The following MLH3 variants were observed in gnomAD, a reference collection of about 807,000 sequenced individuals.
MLH3 encodes DNA mismatch repair protein Mlh3.
In MLH3, 82 loss-of-function variants were observed where a neutral mutation model predicts 122.2. The observed-to-expected ratio is 0.67, with a 90% CI of 0.56 to 0.81. The LOEUF (loss-of-function observed/expected upper bound fraction) is 0.81. Ranked by LOEUF, MLH3 falls within the 30% of genes least tolerant of loss-of-function variation. MLH3 has a pLI of 0.00. For synonymous variants in MLH3, 524 were observed against 599.5 expected, an observed-to-expected ratio of 0.87 and a Z score of 1.84; for missense variants, 1,539 against 1,714.5, an observed-to-expected ratio of 0.90 and a Z score of 1.81.
chr14:75,016,384 G>T lies in MLH3; in HGVS notation c.*698C>A. ...AGTATTTTCACCATTTTACTGGTTT[G>T]GGATATTGAACATCAGTCTCTGAGT... On this transcript the variant is annotated 3_prime_UTR_variant, in exon 13 of 13. Transcript: ENST00000355774. 1 of 194,182 alleles carries T rather than the reference G, an allele frequency of 5.1e-6. No individual in the cohort carries two copies. Among genetic ancestry groups the T allele is most frequent in the Non-Finnish European group, 1.1e-5 (1 of 93,286 alleles). The allele number at this position is 194,182 out of a possible 1,614,324, so 12.0% of individuals were successfully genotyped here.
Position 75,048,230 on chromosome 14 carries a change from T to G in MLH3, c.1426A>C (p.Ile476Leu). The G allele has an allele frequency of 6.2e-7, 1 of 1,613,842 alleles. No homozygotes were observed. The highest frequency in any genetic ancestry group is 8.5e-7 in the Non-Finnish European group (1 of 1,179,924). Residue 476 changes from isoleucine to leucine, a missense_variant, in exon 2 of 13, where the codon ATT (isoleucine) becomes CTT (leucine). Physicochemically the swap from Ile to Leu is conservative, Grantham distance 5. Transcript: ENST00000355774. Reference sequence around the variant, plus strand: ...TTTTCTCCAGCTTCTGATGCTACAATTGTCTCTTGTTCTAACATCTTTGAT... The same window carrying G: ...TTTTCTCCAGCTTCTGATGCTACAAGTGTCTCTTGTTCTAACATCTTTGAT... ...SESKMLEQET[I>L]VASEAGENEK...
Position 75,030,547 on chromosome 14 carries a change from A to C in MLH3, c.3983T>G (p.Val1328Gly). The change falls in exon 9 of 13, where the codon GTG becomes GGG. Residue 1328 changes from valine to glycine, a missense_variant. Transcript: ENST00000355774. ...ACATCTGCAGCTGTGTCTTACCTCCACAATACTCTTGGTCACAGTAGATCT... is the reference window on the plus strand; with the variant it reads ...ACATCTGCAGCTGTGTCTTACCTCCCCAATACTCTTGGTCACAGTAGATCT... ...RGRSTVTKSI[V>G]EEFIREQLEL... The C allele has an allele frequency of 1.2e-6, 2 of 1,614,116 alleles. No individual in the cohort carries two copies. The highest frequency in any genetic ancestry group is 1.7e-6 in the Non-Finnish European group (2 of 1,179,984).
At chr14:75,036,358 A>T (rs175073) in intron 6 of MLH3, among the ~76,000 whole-genome samples, 146,862 of 150,296 alleles carry the variant, frequency 0.98, 71,794 homozygotes, top group Non-Finnish European at 1. Flanking sequence ...TTTTTATTTT[A>T]TTTTTTTGAC....
At chr14:75,028,804 G>T (rs989648330) in intron 9 of MLH3, among the ~76,000 whole-genome samples, 1 of 151,774 alleles carries the variant, frequency 6.6e-6, no homozygotes, top group African/African-American at 2.4e-5. Flanking sequence ...CACATATTTT[G>T]TGTGTTGTAT....
intron 6 of MLH3, among the ~76,000 whole-genome samples, chr14:75,037,332 C>T (rs1048044270): frequency 1.3e-5 from 2 of 152,172 alleles, no homozygotes; most frequent in Admixed American, 1.3e-4. Context: ...GTTCTTAGAG[C>T]ATCTTGTATC....
chr14:75,051,126 TC>T (rs1266666544), intron 1 of MLH3: 1 of 152,218 alleles, frequency 6.6e-6, no homozygotes, highest in African/African-American at 2.4e-5. Context: ...CGGGCCTGGA[TC>T]CAGGGCACGG....
intron 12 of MLH3, among the ~76,000 whole-genome samples, chr14:75,018,628 T>C (rs981400938): frequency 6.6e-6 from 1 of 152,232 alleles, no homozygotes; most frequent in Non-Finnish European, 1.5e-5. Flanking sequence ...GTAGGTGACC[T>C]GACAGTTCAG....
chr14:75,019,125 T>C (rs1890097152), intron 11 of MLH3, 145 bp from the exon 12 acceptor site: 1 of 775,364 alleles, frequency 1.3e-6, no homozygotes, highest in Non-Finnish European at 2.1e-6. Flanking sequence ...AAATTGGTGC[T>C]TATAGGCCGG....
intron 6 of MLH3, 119 bp from the exon 7 acceptor site, chr14:75,033,609 T>G (rs1339003194): frequency 1.3e-6 from 1 of 750,044 alleles, no homozygotes; most frequent in African/African-American, 1.7e-5. Context: ...CAAAACATTC[T>G]GAGGAGTAAC....
chr14:75,037,276 A>G (rs1315628564), intron 6 of MLH3, among the ~76,000 whole-genome samples: 1 of 152,182 alleles, frequency 6.6e-6, no homozygotes, highest in Non-Finnish European at 1.5e-5. Context: ...TTTTACCAAG[A>G]AGCACTTCCC....
chr14:75,031,290 C>G (rs942257342), intron 8 of MLH3, among the ~76,000 whole-genome samples: 5 of 152,174 alleles, frequency 3.3e-5, no homozygotes, highest in Non-Finnish European at 5.9e-5. Flanking sequence ...TCGCCCCTTC[C>G]TTACATCCCA....
chr14:75,036,599 C>T (rs28757021), intron 6 of MLH3: 7,385 of 454,086 alleles, frequency 0.016, 134 homozygotes, highest in African/African-American at 0.047. Context: ...CCACCTCGGC[C>T]TCCCAAAGTG....
At chr14:75,017,536 G>A (rs576413021) in intron 12 of MLH3, among the ~76,000 whole-genome samples, 50 of 150,892 alleles carry the variant, frequency 3.3e-4, no homozygotes, top group South Asian at 1.1e-3. Context: ...GTGAGACTCC[G>A]TCTCAAAAAA....
intron 11 of MLH3, among the ~76,000 whole-genome samples, chr14:75,021,930 C>T (rs1890303756): frequency 6.6e-6 from 1 of 152,134 alleles, no homozygotes; most frequent in Admixed American, 6.5e-5. Context: ...GAATCAACCT[C>T]AATGCTCATC....
intron 6 of MLH3, among the ~76,000 whole-genome samples, chr14:75,037,701 C>T (rs1000561664): frequency 2.0e-5 from 3 of 151,646 alleles, no homozygotes; most frequent in Non-Finnish European, 4.4e-5. Context: ...ACCTGTAATC[C>T]CAGCTGTTAG....
intron 9 of MLH3, among the ~76,000 whole-genome samples, chr14:75,026,558 C>T (rs1236186717): frequency 6.6e-6 from 1 of 152,036 alleles, no homozygotes; most frequent in Non-Finnish European, 1.5e-5. Context: ...AGATATCTGA[C>T]AAAATTTCCA....
intron 6 of MLH3, among the ~76,000 whole-genome samples, chr14:75,035,196 AAAC>A (rs1220339815): frequency 2.0e-5 from 3 of 152,020 alleles, no homozygotes; most frequent in Non-Finnish European, 4.4e-5. Context: ...CTGATCTCAA[AAAC>A]AACAAAGAAT....
At position 75,046,705 on chromosome 14, in the gene MLH3, G is replaced by C; in HGVS notation, c.2951C>G (p.Ser984Ter). Residue 984 changes from serine to a stop codon, truncating the protein, a stop_gained, in exon 2 of 13, where the codon TCA (serine) becomes TGA (stop). Transcript: ENST00000355774. LOFTEE classifies it high-confidence loss of function. ...YNNSKVTGKD[S>*]DVLIRASEQQ... ...TTCTGAGGCTCTGATAAGAACATCT[G>C]AATCTTTACCGGTAACTTTAGAATT... 1 of 1,614,162 alleles carries C rather than the reference G, an allele frequency of 6.2e-7. No individual in the cohort carries two copies. Among genetic ancestry groups the C allele is most frequent in the South Asian group, 1.1e-5 (1 of 91,076 alleles).
intron 2 of MLH3, among the ~76,000 whole-genome samples, chr14:75,044,081 C>T (rs1290110232): frequency 1.3e-5 from 2 of 151,738 alleles, no homozygotes; most frequent in East Asian, 3.9e-4. Flanking sequence ...AAGAGCGAAA[C>T]TCCGTCTCAA....
Sources: gnomAD v4.1 joint callset for allele counts (sites outside exome capture counted in the v4.1 genomes callset) on GRCh38, gnomAD v4.1.1 for gene constraint, MANE v1.5 for transcripts, NCBI Gene and HGNC (gene_info 2026-07-23, HGNC 2026-07-21) for gene names.